UGT3A1: variants seen among roughly 807,000 people sequenced by gnomAD.
UGT3A1 encodes the protein UDP-glycosyltransferase 3A1.
In UGT3A1, 40 loss-of-function variants were observed where a neutral mutation model predicts 37.6. The observed-to-expected ratio is 1.06, with a 90% CI of 0.83 to 1.38. The LOEUF is 1.38. Ranked by LOEUF, UGT3A1 falls within the 40% of genes most tolerant of loss-of-function variation. The pLI, the probability that UGT3A1 is intolerant of heterozygous loss-of-function variation, is 0.00. For missense variants in UGT3A1, 642 were observed against 634.2 expected (o/e 1.01, Z -0.13); for synonymous variants, 256 against 232.3 (o/e 1.10, Z -0.93).
intron 2 of UGT3A1, among the ~76,000 whole-genome samples, chr5:35,984,172 C>T (rs1740639716): frequency 6.6e-6 from 1 of 152,220 alleles, no homozygotes; most frequent in East Asian, 1.9e-4. Flanking sequence ...TAGCAAAAAA[C>T]TATTAGAATT....
At chr5:35,970,399 A>G (rs1394618091) in intron 2 of UGT3A1, among the ~76,000 whole-genome samples, 2 of 151,858 alleles carry the variant, frequency 1.3e-5, no homozygotes, top group Non-Finnish European at 2.9e-5. Context: ...TCAAAAAAAA[A>G]AAAAAGCCAT....
chr5:35,980,356 C>T (rs2149982033), intron 2 of UGT3A1, among the ~76,000 whole-genome samples: 1 of 152,298 alleles, frequency 6.6e-6, no homozygotes, highest in East Asian at 1.9e-4. Context: ...TAATAGAGCT[C>T]ATGGAGAAGG....
intron 2 of UGT3A1, among the ~76,000 whole-genome samples, chr5:35,973,769 T>G (rs774872683): frequency 6.6e-6 from 1 of 152,136 alleles, no homozygotes; most frequent in Non-Finnish European, 1.5e-5. Context: ...CTAAATATAA[T>G]GGATTTAATT....
Position 35,954,450 on chromosome 5 carries a change from C to T in UGT3A1, c.1324G>A (p.Val442Ile), listed in dbSNP as rs1739277177. The T allele has an allele frequency of 2.5e-6, 4 of 1,614,122 alleles. No homozygotes were observed. Among genetic ancestry groups the T allele is most frequent in the Non-Finnish European group, 3.4e-6 (4 of 1,179,984 alleles). ...CTCAGGGGCTGAGAGTGCAGGATGA[C>T]ACTGGCTGCCACCACTGCCGACTTG... ...RYKSAVVAAS[V>I]ILHSQPLSPA... Residue 442 changes from valine to isoleucine, a missense_variant, in exon 7 of 7, where the codon GTC becomes ATC. Transcript: ENST00000274278.
Position 35,991,363 on chromosome 5 carries a change from C to T in UGT3A1, c.-123G>A. On this transcript the variant is annotated 5_prime_UTR_variant, in exon 1 of 7. Coordinates refer to ENST00000274278, the MANE Select transcript of UGT3A1 (RefSeq NM_152404.4). Reference sequence around the variant, plus strand: ...TGTGGGCCTAGGAAGAGGTAGGAGACGGATCCTGCCAATTCTCTCGCCCTT... The same window carrying T: ...TGTGGGCCTAGGAAGAGGTAGGAGATGGATCCTGCCAATTCTCTCGCCCTT... 3 of 1,499,556 alleles carry T rather than the reference C, an allele frequency of 2.0e-6. No individual in the cohort carries two copies. The highest frequency in any genetic ancestry group is 2.4e-5 in the East Asian group (1 of 41,798). 92.9% of individuals were successfully genotyped at this position (1,499,556 alleles called of 1,614,324 possible). A position where few individuals can be genotyped will look rare whatever the true frequency, so the allele number is the denominator to read the frequency against.
intron 4 of UGT3A1, among the ~76,000 whole-genome samples, chr5:35,958,765 C>T (rs551254091): frequency 1.3e-5 from 2 of 152,340 alleles, no homozygotes; most frequent in South Asian, 2.1e-4. Flanking sequence ...AGTCCACAGG[C>T]AAAAGCTCAA....
chr5:35,988,339 C>A, intron 2 of UGT3A1, 111 bp downstream of exon 2: 1 of 722,428 alleles, frequency 1.4e-6, no homozygotes. Flanking sequence ...TTATTCATCC[C>A]GAAATAAGAC....
intron 2 of UGT3A1, among the ~76,000 whole-genome samples, chr5:35,983,135 T>G (rs182468720): frequency 6.6e-6 from 1 of 151,256 alleles, no homozygotes; most frequent in East Asian, 1.9e-4. Context: ...TATAGTAATG[T>G]GAAAACAGAT....
Position 35,965,466 on chromosome 5 carries a change from AGGC to A in UGT3A1, c.760_762del (p.Ala254del). On this transcript the variant is annotated inframe_deletion, in exon 4 of 7. Coordinates refer to ENST00000274278, the MANE Select transcript of UGT3A1 (RefSeq NM_152404.4). ...GGAAGCAGGGGCCGGGCAAAATCAA[AGGC>A]AAAATCAGAGTTAACAAACCACAAC... 1 of 1,614,240 alleles carries A rather than the reference AGGC, an allele frequency of 6.2e-7. No homozygotes were observed. The highest frequency in any genetic ancestry group is 8.5e-7 in the Non-Finnish European group (1 of 1,180,040).
At chr5:35,954,720 G>A in intron 6 of UGT3A1, 1 of 549,308 alleles carries the variant, frequency 1.8e-6, no homozygotes, top group South Asian at 2.5e-5. Context: ...TAAACTGTAG[G>A]AAAGTGATTA....
Position 35,991,230 on chromosome 5 carries a change from T to C in UGT3A1, c.11A>G (p.Gln4Arg). Residue 4 changes from glutamine (Q) to arginine (R), a missense_variant, in exon 1 of 7, where the codon CAG becomes CGG. Coordinates refer to ENST00000274278, the MANE Select transcript of UGT3A1 (RefSeq NM_152404.4). Reference protein sequence around the residue: MVGQRVLLLVAFLL... With the variant: MVGRRVLLLVAFLL... ...GAAGGCCACTAGAAGCAGCACCCGC[T>C]GCCCAACCATGCTCACTTCCACAGA... 6.2e-7 allele frequency: 1 copy of C among 1,614,228 alleles called. No individual in the cohort carries two copies. The highest frequency in any genetic ancestry group is 8.5e-7 in the Non-Finnish European group (1 of 1,180,026).
intron 2 of UGT3A1, among the ~76,000 whole-genome samples, chr5:35,969,466 G>T (rs969096813): frequency 2.0e-5 from 3 of 151,698 alleles, no homozygotes; most frequent in South Asian, 2.1e-4. Context: ...GAGCATGTTA[G>T]AAAGGACACC....
intron 2 of UGT3A1, among the ~76,000 whole-genome samples, chr5:35,979,855 T>TGGCAGAA (rs1580949936): frequency 1.3e-5 from 2 of 152,214 alleles, no homozygotes; most frequent in African/African-American, 2.4e-5. Context: ...CCCACAATCA[T>TGGCAGAA]GGCAGAAGGC....
chr5:35,987,334 A>G (rs1475846217), intron 2 of UGT3A1, among the ~76,000 whole-genome samples: 1 of 152,138 alleles, frequency 6.6e-6, no homozygotes, highest in Admixed American at 6.5e-5. Context: ...ATTGAGGAAT[A>G]CTGAAAGAAA....
At chr5:35,991,005 G>C (rs1187410906) in intron 1 of UGT3A1, 142 bp downstream of exon 1, 1 of 1,584,660 alleles carries the variant, frequency 6.3e-7, no homozygotes, top group South Asian at 1.2e-5. Flanking sequence ...GGCTAGATGG[G>C]CTTCTCCCTC....
intron 1 of UGT3A1, among the ~76,000 whole-genome samples, chr5:35,988,883 G>A (rs558934043): frequency 4.6e-5 from 7 of 152,280 alleles, no homozygotes; most frequent in African/African-American, 1.4e-4. Context: ...GGTATGTGCT[G>A]CATGTTACTT....
chr5:35,953,941 A>G lies in UGT3A1; in HGVS notation c.*261T>C. 1 of 433,164 alleles carries G rather than the reference A, an allele frequency of 2.3e-6. No individual in the cohort carries two copies. Among genetic ancestry groups the G allele is most frequent in the Non-Finnish European group, 4.2e-6 (1 of 239,624 alleles). The allele number at this position is 433,164 out of a possible 1,614,324, so 26.8% of individuals were successfully genotyped here. A position where few individuals can be genotyped will look rare whatever the true frequency, so the allele number is the denominator to read the frequency against. ...ATGAAGTTGTCAGAGTCCTGTGTCT[A>G]GGAAAAGGGAGAAAGGAGGAGGCAG... On this transcript the variant is annotated 3_prime_UTR_variant, in exon 7 of 7. Transcript: ENST00000274278.
chr5:35,993,083 C>A (rs939811666), upstream of UGT3A1, among the ~76,000 whole-genome samples: 6 of 152,230 alleles, frequency 3.9e-5, no homozygotes, highest in Admixed American at 3.9e-4. Flanking sequence ...TGCATATCTG[C>A]CCAATTTTGT....
intron 2 of UGT3A1, among the ~76,000 whole-genome samples, chr5:35,983,299 T>A (rs1309918051): frequency 6.6e-6 from 1 of 151,864 alleles, no homozygotes; most frequent in African/African-American, 2.4e-5. Flanking sequence ...TTGGAAAAAC[T>A]AGAAGAAAAG....
Sources: gnomAD v4.1 joint callset for allele counts (sites outside exome capture counted in the v4.1 genomes callset) on GRCh38, gnomAD v4.1.1 for gene constraint, MANE v1.5 for transcripts, NCBI Gene and HGNC (gene_info 2026-07-23, HGNC 2026-07-21) for gene names.